The following ACTR3B variants were observed in gnomAD, a reference collection of about 807,000 sequenced individuals.
The protein encoded by ACTR3B is actin-related protein 3B.
In ACTR3B, 8 loss-of-function variants were observed where a neutral mutation model predicts 59.0. That is an observed-to-expected ratio of 0.14 (90% CI 0.08 to 0.24). The LOEUF is 0.24. ACTR3B is among the 10% of genes least tolerant of loss of function. The pLI is 1.00. For missense variants in ACTR3B, 245 were observed against 552.3 expected (o/e 0.44, Z 5.58); for synonymous variants, 148 against 197.9 (o/e 0.75, Z 2.12).
chr7:152,852,361 C>T, intron 10 of ACTR3B, 110 bp downstream of exon 10: 9 of 1,358,314 alleles, frequency 6.6e-6, no homozygotes, highest in Non-Finnish European at 7.8e-6. Context: ...AAAATAAAAA[C>T]AAGTGTTCAT....
At chr7:152,833,190 A>T (rs1797165138) in intron 9 of ACTR3B, among the ~76,000 whole-genome samples, 1 of 152,232 alleles carries the variant, frequency 6.6e-6, no homozygotes, top group Admixed American at 6.5e-5. Context: ...GGGTGGTTAG[A>T]GGAAAGAAGA....
chr7:152,782,335 C>T (rs577441746), intron 1 of ACTR3B, among the ~76,000 whole-genome samples: 4 of 151,556 alleles, frequency 2.6e-5, no homozygotes, highest in Admixed American at 6.6e-5. Context: ...AGAAAGGAAG[C>T]GCTGATGAGT....
At chr7:152,809,963 C>T (rs1183379840) in intron 4 of ACTR3B, among the ~76,000 whole-genome samples, 1 of 151,920 alleles carries the variant, frequency 6.6e-6, no homozygotes, top group East Asian at 1.9e-4. Flanking sequence ...ACTATTTGTA[C>T]CCTATTAGCC....
At chr7:152,773,394 C>T (rs980356975) in intron 1 of ACTR3B, among the ~76,000 whole-genome samples, 33 of 152,122 alleles carry the variant, frequency 2.2e-4, no homozygotes, top group African/African-American at 7.7e-4. Flanking sequence ...CGAGACCAGC[C>T]TGGCCAACAT....
intron 4 of ACTR3B, chr7:152,811,470 T>A (rs1795229967): frequency 1.3e-5 from 2 of 152,152 alleles, no homozygotes; most frequent in Admixed American, 6.5e-5. Flanking sequence ...ATCGGACTGG[T>A]ATGGCATGCT....
At chr7:152,831,217 A>G (rs1316980605) in intron 9 of ACTR3B, among the ~76,000 whole-genome samples, 3 of 152,250 alleles carry the variant, frequency 2.0e-5, no homozygotes, top group African/African-American at 7.2e-5. Flanking sequence ...AGCTCACAAG[A>G]ACATTAAGAC....
intron 4 of ACTR3B, among the ~76,000 whole-genome samples, chr7:152,807,616 CCG>C (rs1205572527): frequency 1.3e-5 from 2 of 152,204 alleles, no homozygotes; most frequent in Non-Finnish European, 2.9e-5. Context: ...GCTGTCAGCA[CCG>C]CGCAAGAGGC....
chr7:152,853,668 T>C, intron 11 of ACTR3B, 91 bp downstream of exon 11: 1 of 1,164,226 alleles, frequency 8.6e-7, no homozygotes. Flanking sequence ...AAATAGTGTG[T>C]GCCCTAATCG....
At chr7:152,762,133 C>T (rs1390747045) in intron 1 of ACTR3B, among the ~76,000 whole-genome samples, 1 of 152,046 alleles carries the variant, frequency 6.6e-6, no homozygotes, top group Admixed American at 6.5e-5. Flanking sequence ...AAATTTCATC[C>T]CAGTATCCTT....
At position 152,854,396 on chromosome 7, in the gene ACTR3B, G is replaced by T; in HGVS notation, c.1162-62G>T. ...AGGAGAGTGTCTTGCCTGCTTGGTA[G>T]CTGGTTCCCTTGACTTTCTTCTGAA... On this transcript the variant is annotated intron_variant, in intron 11 of 11. Coordinates refer to ENST00000256001, the MANE Select transcript of ACTR3B (RefSeq NM_020445.6). This position sits in a 1 kb window ranked among gnomAD's most constrained non-coding sequence, Gnocchi z 4.9. 6.7e-7 allele frequency: 1 copy of T among 1,488,778 alleles called. No homozygotes were observed. The highest frequency in any genetic ancestry group is 9.4e-7 in the Non-Finnish European group (1 of 1,066,648). The allele number at this position is 1,488,778 out of a possible 1,614,324, so 92.2% of individuals were successfully genotyped here. A position where few individuals can be genotyped will look rare whatever the true frequency, so the allele number is the denominator to read the frequency against.
chr7:152,852,393 A>C (rs900026432), intron 10 of ACTR3B, 142 bp downstream of exon 10: 16 of 1,121,388 alleles, frequency 1.4e-5, no homozygotes, highest in Non-Finnish European at 1.9e-5. Context: ...CTGCATTGTG[A>C]CATGACCATG....
chr7:152,811,477 T>C (rs1180846360), intron 4 of ACTR3B: 1 of 152,188 alleles, frequency 6.6e-6, no homozygotes, highest in Non-Finnish European at 1.5e-5. Flanking sequence ...TGGTATGGCA[T>C]GCTACTGTGT....
chr7:152,769,238 G>A (rs1467693062), intron 1 of ACTR3B, among the ~76,000 whole-genome samples: 2 of 152,108 alleles, frequency 1.3e-5, no homozygotes, highest in African/African-American at 2.4e-5. Flanking sequence ...ACCTATTAAG[G>A]TCTCCTCGCA....
intron 1 of ACTR3B, among the ~76,000 whole-genome samples, chr7:152,774,291 C>T (rs189604256): frequency 2.0e-5 from 3 of 152,280 alleles, no homozygotes; most frequent in Non-Finnish European, 4.4e-5. Flanking sequence ...CATGCGCCAC[C>T]GCACCCGACT....
At chr7:152,777,945 G>A (rs1258994870) in intron 1 of ACTR3B, among the ~76,000 whole-genome samples, 1 of 146,890 alleles carries the variant, frequency 6.8e-6, no homozygotes, top group Non-Finnish European at 1.5e-5. Context: ...GCAAGACTCC[G>A]TCTCAAAAAA....
intron 1 of ACTR3B, among the ~76,000 whole-genome samples, chr7:152,770,786 C>T (rs202178807): frequency 2.6e-5 from 3 of 116,384 alleles, no homozygotes; most frequent in Non-Finnish European, 3.7e-5. Context: ...AGCATGGCAA[C>T]GAGTTGTTGT....
chr7:152,763,688 T>C (rs1326134222), intron 1 of ACTR3B, among the ~76,000 whole-genome samples: 1 of 152,232 alleles, frequency 6.6e-6, no homozygotes, highest in African/African-American at 2.4e-5. Context: ...CCTCCCAAAG[T>C]GCTGTGATTA....
chr7:152,787,717 C>T (rs2098179310), intron 2 of ACTR3B, among the ~76,000 whole-genome samples: 1 of 151,960 alleles, frequency 6.6e-6, no homozygotes, highest in South Asian at 2.1e-4. Context: ...TTTTCGGTGT[C>T]TTTTGTTTCA....
At chr7:152,786,884 A>G (rs1411303512) in intron 2 of ACTR3B, among the ~76,000 whole-genome samples, 1 of 152,156 alleles carries the variant, frequency 6.6e-6, no homozygotes, top group African/African-American at 2.4e-5. Context: ...CCTCAATATT[A>G]TGTTTTTATC....
Sources: allele counts gnomAD v4.1 joint callset (sites outside exome capture counted in the v4.1 genomes callset), GRCh38; gene constraint gnomAD v4.1.1; non-coding constraint Gnocchi (gnomAD v3.1); transcripts MANE v1.5; gene names NCBI Gene and HGNC (gene_info 2026-07-23, HGNC 2026-07-21).